CPNE5: variants seen among roughly 807,000 people sequenced by gnomAD.
CPNE5 encodes the protein copine 5.
Under a neutral mutation model 81.1 loss-of-function variants are expected in CPNE5, and 42 were observed. That is an observed-to-expected ratio of 0.52 (90% CI 0.40 to 0.67). CPNE5 has a LOEUF of 0.67. Ranked by LOEUF, CPNE5 falls within the 30% of genes least tolerant of loss-of-function variation. The pLI, the probability that CPNE5 is intolerant of heterozygous loss-of-function variation, is 0.00. For missense variants in CPNE5, 612 were observed against 815.5 expected (o/e 0.75, Z 3.04); for synonymous variants, 313 against 321.5 (o/e 0.97, Z 0.28).
intron 11 of CPNE5, among the ~76,000 whole-genome samples, chr6:36,764,381 TGGAA>T (rs1420645772): frequency 1.3e-4 from 20 of 152,110 alleles, no homozygotes; most frequent in African/African-American, 4.8e-4. Context: ...GAGAGTTCCT[TGGAA>T]GGGGGCTTGG....
chr6:36,822,263 G>T, intron 2 of CPNE5, 103 bp from the exon 3 acceptor site: 2 of 909,962 alleles, frequency 2.2e-6, no homozygotes. Flanking sequence ...AGCAGACCCA[G>T]CCTGGGTAGC....
intron 6 of CPNE5, among the ~76,000 whole-genome samples, chr6:36,796,010 G>A (rs183061728): frequency 8.5e-5 from 13 of 152,282 alleles, no homozygotes; most frequent in African/African-American, 2.4e-4. Context: ...GTGCAGTGGT[G>A]TAATCTCAGC....
At chr6:36,742,673 A>G in intron 20 of CPNE5, 187 bp from the exon 21 acceptor site, 1 of 983,736 alleles carries the variant, frequency 1.0e-6, no homozygotes, top group Middle Eastern at 5.2e-4. Flanking sequence ...GTCAGTAACT[A>G]TAGTCATAGT....
At chr6:36,770,885 G>A (rs184860076) in intron 10 of CPNE5, among the ~76,000 whole-genome samples, 1 of 152,090 alleles carries the variant, frequency 6.6e-6, no homozygotes, top group East Asian at 1.9e-4. Context: ...GTTTCAGATA[G>A]GCTGTGAAAA....
chr6:36,835,067 T>A (rs12528273), intron 1 of CPNE5, among the ~76,000 whole-genome samples: 63,316 of 151,942 alleles, frequency 0.42, 13,508 homozygotes, highest in South Asian at 0.56. Context: ...TACCAGCTGG[T>A]GGGGAGAGGG....
At chr6:36,765,217 C>G in intron 11 of CPNE5, 118 bp downstream of exon 11, 1 of 1,087,822 alleles carries the variant, frequency 9.2e-7, no homozygotes, top group Non-Finnish European at 1.3e-6. Context: ...CCCAGGCTCC[C>G]TCACCCCCAG....
At chr6:36,806,137 G>C (rs567921601) in intron 3 of CPNE5, among the ~76,000 whole-genome samples, 3 of 152,184 alleles carry the variant, frequency 2.0e-5, no homozygotes, top group African/African-American at 7.2e-5. Flanking sequence ...TGCCCAGCCT[G>C]TAGGGGGCTC....
chr6:36,765,581 G>A (rs988091888), intron 10 of CPNE5, among the ~76,000 whole-genome samples: 7 of 152,164 alleles, frequency 4.6e-5, no homozygotes, highest in African/African-American at 1.7e-4. Flanking sequence ...GGCAGCCAGG[G>A]CTGTGTAGGG....
At chr6:36,830,771 G>A (rs1286926383) in intron 1 of CPNE5, among the ~76,000 whole-genome samples, 4 of 152,172 alleles carry the variant, frequency 2.6e-5, no homozygotes, top group African/African-American at 9.7e-5. Context: ...ACCTGCCTGT[G>A]GAGTTGCTGT....
At chr6:36,779,011 C>T in intron 8 of CPNE5, 54 bp from the exon 9 acceptor site, 1 of 1,233,538 alleles carries the variant, frequency 8.1e-7, no homozygotes, top group South Asian at 1.2e-5. Context: ...GGAAGCACAG[C>T]TCCCAGACCC....
chr6:36,822,326 T>C (rs1287147503), intron 2 of CPNE5, among the ~76,000 whole-genome samples, 166 bp from the exon 3 acceptor site: 2 of 151,778 alleles, frequency 1.3e-5, no homozygotes, highest in African/African-American at 2.4e-5. Flanking sequence ...GCTGAGATCT[T>C]GGTGAGTGAG....
chr6:36,825,377 G>A (rs953360103), intron 1 of CPNE5, among the ~76,000 whole-genome samples: 1 of 151,970 alleles, frequency 6.6e-6, no homozygotes, highest in African/African-American at 2.4e-5. Flanking sequence ...TTCCCAAATG[G>A]CTTCAGGAAA....
At chr6:36,811,647 T>C (rs184570632) in intron 3 of CPNE5, among the ~76,000 whole-genome samples, 18 of 152,302 alleles carry the variant, frequency 1.2e-4, no homozygotes, top group Admixed American at 7.8e-4. Context: ...CAGGGTTTAT[T>C]AGAAAAGCCA....
chr6:36,794,192 CA>C (rs1769354474), intron 7 of CPNE5, among the ~76,000 whole-genome samples: 1 of 111,796 alleles, frequency 8.9e-6, no homozygotes, highest in Admixed American at 1.3e-4. Context: ...AGGATAAAGA[CA>C]GGGGAGGAAA....
At chr6:36,760,465 T>C (rs1765917869) in intron 12 of CPNE5, among the ~76,000 whole-genome samples, 1 of 152,132 alleles carries the variant, frequency 6.6e-6, no homozygotes, top group South Asian at 2.1e-4. Context: ...GTACGCTGGT[T>C]ACTGTGTAGA....
At chr6:36,822,184 G>T (rs1219369093) in intron 2 of CPNE5, 24 bp from the exon 3 acceptor site, 2 of 1,483,326 alleles carry the variant, frequency 1.3e-6, no homozygotes, top group Non-Finnish European at 1.8e-6. Context: ...AGAAACAGTG[G>T]ATTAATACCT....
intron 9 of CPNE5, among the ~76,000 whole-genome samples, chr6:36,776,948 G>GGCA (rs1767560616): frequency 6.6e-6 from 1 of 152,170 alleles, no homozygotes; most frequent in Non-Finnish European, 1.5e-5. Context: ...CTTTCACAGG[G>GGCA]GCAGGATACT....
intron 3 of CPNE5, among the ~76,000 whole-genome samples, chr6:36,808,654 T>C: frequency 6.6e-6 from 1 of 152,190 alleles, no homozygotes; most frequent in East Asian, 1.9e-4. Context: ...AATCATTCCT[T>C]CCTCCAGATG....
chr6:36,777,198 C>CT (rs1437068057), intron 9 of CPNE5, among the ~76,000 whole-genome samples: 1 of 152,134 alleles, frequency 6.6e-6, no homozygotes, highest in Non-Finnish European at 1.5e-5. Context: ...TGGTCCCATC[C>CT]AAGTCCGGCC....
Sources: allele counts gnomAD v4.1 joint callset (sites outside exome capture counted in the v4.1 genomes callset), GRCh38; gene constraint gnomAD v4.1.1; transcripts MANE v1.5; gene names NCBI Gene and HGNC (gene_info 2026-07-23, HGNC 2026-07-21).